PTPRQ: variants seen among roughly 807,000 people sequenced by gnomAD.
The protein encoded by PTPRQ is phosphatidylinositol phosphatase PTPRQ.
In PTPRQ, 199 loss-of-function variants were observed where a neutral mutation model predicts 246.0. That is an observed-to-expected ratio of 0.81 (90% confidence interval 0.72 to 0.91). PTPRQ has a LOEUF of 0.91. Ranked by LOEUF, PTPRQ falls within the 40% of genes least tolerant of loss-of-function variation. The pLI is 0.00. For synonymous variants in PTPRQ, 869 were observed against 853.2 expected, an observed-to-expected ratio of 1.02 and a Z score of -0.32; for missense variants, 2,624 against 2,528.4, an observed-to-expected ratio of 1.04 and a Z score of -0.81.
rs73347718 is a variant in PTPRQ, at chr12:80,494,704, G to A, written c.1541-229G>A. On this transcript the variant is annotated intron_variant, in intron 10 of 44. Transcript: ENST00000644991. ...ATATTATGAACACAAAATGTTTGTG[G>A]TTATTATTGGGAGGTACTCAGAAAT... Among the ~76,000 whole-genome samples, 1,868 of 151,898 alleles carry A rather than the reference G, an allele frequency of 0.012. 47 individuals are homozygous for A. The highest frequency in any genetic ancestry group is 0.042 in the African/African-American group (1,742 of 41,476).
At chr12:80,608,816 A>G (rs1019585267) in intron 27 of PTPRQ, among the ~76,000 whole-genome samples, 1 of 150,564 alleles carries the variant, frequency 6.6e-6, no homozygotes. Context: ...AATGAATGGG[A>G]CCCAGGCCCC....
chr12:80,642,890 A>C (rs868017707), intron 35 of PTPRQ, among the ~76,000 whole-genome samples: 1 of 134,994 alleles, frequency 7.4e-6, no homozygotes, highest in East Asian at 2.3e-4. Flanking sequence ...ACTGCACTCC[A>C]GCCTGGGCGA....
chr12:80,635,899 A>T (rs1899629677), intron 35 of PTPRQ, among the ~76,000 whole-genome samples: 1 of 152,180 alleles, frequency 6.6e-6, no homozygotes, highest in Admixed American at 6.5e-5. Context: ...AATTAAAAAA[A>T]TTATTATTAA....
rs562666817 is a variant in PTPRQ at position 80,523,233 on chromosome 12, G to A, written c.2679-10782G>A. On this transcript the variant is annotated intron_variant, in intron 17 of 44. Transcript: ENST00000644991. ...TATCCCCTTTAGCATTTTTTATTGC[G>A]TCTATTTGATTCTTCTCTCTTTCCT... 6.7e-3 allele frequency among the ~76,000 whole-genome samples: 1,024 copies of A among 152,056 alleles called. 9 individuals are homozygous for A. Among genetic ancestry groups the A allele is most frequent in the Middle Eastern group, 0.054 (16 of 294 alleles).
intron 41 of PTPRQ, among the ~76,000 whole-genome samples, 197 bp from the exon 42 acceptor site, chr12:80,670,147 T>C (rs1900922984): frequency 6.6e-6 from 1 of 152,110 alleles, no homozygotes; most frequent in South Asian, 2.1e-4. Context: ...TTTCTTATGT[T>C]TTCATTCATA....
intron 39 of PTPRQ, among the ~76,000 whole-genome samples, chr12:80,664,186 G>A (rs553664827): frequency 1.3e-5 from 2 of 151,990 alleles, no homozygotes; most frequent in East Asian, 3.9e-4. Context: ...CAAAAACACA[G>A]CCTCCTAATC....
chr12:80,579,950 T>C (rs999020681), intron 25 of PTPRQ, among the ~76,000 whole-genome samples: 3 of 152,138 alleles, frequency 2.0e-5, no homozygotes, highest in African/African-American at 4.8e-5. Flanking sequence ...AGTACATCTG[T>C]TCCTGAAAAA....
chr12:80,675,088 C>A (rs1377702135), intron 43 of PTPRQ, among the ~76,000 whole-genome samples: 1 of 152,064 alleles, frequency 6.6e-6, no homozygotes, highest in Non-Finnish European at 1.5e-5. Context: ...ACTGAGTTAA[C>A]AAATGAGTTA....
chr12:80,454,199 T>G (rs1454527737), intron 3 of PTPRQ, among the ~76,000 whole-genome samples: 2 of 141,718 alleles, frequency 1.4e-5, no homozygotes, highest in Non-Finnish European at 3.0e-5. Flanking sequence ...TCTCCTGGTG[T>G]GCCGTTTTTT....
chr12:80,500,882 G>A (rs1223813607), intron 14 of PTPRQ, among the ~76,000 whole-genome samples: 1 of 151,930 alleles, frequency 6.6e-6, no homozygotes, highest in East Asian at 1.9e-4. Context: ...TTTGGTAGTG[G>A]TAAGTTTTAC....
Position 80,641,495 on chromosome 12 carries a change from G to A in PTPRQ, c.5915+6422G>A, listed in dbSNP as rs567701103. 8.1e-4 allele frequency among the ~76,000 whole-genome samples: 123 copies of A among 152,242 alleles called. 1 individual carries two copies. Among genetic ancestry groups the A allele is most frequent in the African/African-American group, 2.7e-3 (112 of 41,538 alleles). Reference sequence around the variant, plus strand: ...TGCATTATTAAAATCAAGGAAGCCCGGTCTATTTCTAATCTAATCACATTT... The same window carrying A: ...TGCATTATTAAAATCAAGGAAGCCCAGTCTATTTCTAATCTAATCACATTT... On this transcript the variant is annotated intron_variant, in intron 35 of 44. Transcript: ENST00000644991.
intron 25 of PTPRQ, among the ~76,000 whole-genome samples, chr12:80,577,334 C>T (rs1248876088): frequency 6.6e-6 from 1 of 151,880 alleles, no homozygotes; most frequent in Non-Finnish European, 1.5e-5. Context: ...ATGGCAGCAG[C>T]AAGGAAAAGT....
At chr12:80,455,728 C>A (rs1892958893) in intron 3 of PTPRQ, among the ~76,000 whole-genome samples, 1 of 151,630 alleles carries the variant, frequency 6.6e-6, no homozygotes, top group African/African-American at 2.4e-5. Context: ...ATAGCTGGGA[C>A]TAGAGGCGCC....
At chr12:80,536,101 C>T (rs1565771314) in intron 19 of PTPRQ, among the ~76,000 whole-genome samples, 1 of 152,122 alleles carries the variant, frequency 6.6e-6, no homozygotes, top group Non-Finnish European at 1.5e-5. Context: ...AGCGAGACTC[C>T]ATCTCAAAAG....
chr12:80,497,988 G>A (rs1894680738), intron 14 of PTPRQ, among the ~76,000 whole-genome samples: 2 of 151,980 alleles, frequency 1.3e-5, no homozygotes, highest in African/African-American at 4.8e-5. Flanking sequence ...ACTATTCACA[G>A]AAATGAATAC....
chr12:80,459,209 T>C (rs535217333), intron 4 of PTPRQ, 75 bp from the exon 5 acceptor site: 2 of 397,012 alleles, frequency 5.0e-6, no homozygotes, highest in African/African-American at 2.1e-5. Flanking sequence ...TAATTTCATG[T>C]ACCATGAAAT....
intron 8 of PTPRQ, among the ~76,000 whole-genome samples, chr12:80,478,192 G>C (rs61950937): frequency 0.25 from 33,653 of 133,422 alleles, 5,834 homozygotes; most frequent in African/African-American, 0.44. Flanking sequence ...TGAGAAAGGG[G>C]AAACTGCCTC....
chr12:80,490,933 G>A (rs1894428065), intron 9 of PTPRQ, among the ~76,000 whole-genome samples: 2 of 151,894 alleles, frequency 1.3e-5, no homozygotes, highest in South Asian at 4.2e-4. Flanking sequence ...TTTCTTAAGA[G>A]GTTAAGTGTG....
chr12:80,539,641 C>T, intron 19 of PTPRQ, 135 bp from the exon 20 acceptor site: 2 of 674,038 alleles, frequency 3.0e-6, no homozygotes, highest in Non-Finnish European at 4.4e-6. Context: ...AAAAAATGTT[C>T]TATGTCGATT....
Sources: gnomAD v4.1 joint callset for allele counts (sites outside exome capture counted in the v4.1 genomes callset) on GRCh38, gnomAD v4.1.1 for gene constraint, MANE v1.5 for transcripts, NCBI Gene and HGNC (gene_info 2026-07-23, HGNC 2026-07-21) for gene names.